MYRIP: variants seen among roughly 807,000 people sequenced by gnomAD.
The protein encoded by MYRIP is myosin VIIA and Rab interacting protein.
Under a neutral mutation model 98.0 loss-of-function variants are expected in MYRIP, and 49 were observed. The ratio of observed to expected loss-of-function variants is 0.50; its 90% confidence interval spans 0.40 to 0.63. The LOEUF (loss-of-function observed/expected upper bound fraction) is 0.63, where lower values mean the gene tolerates loss of function less well. Among genes scored for constraint, MYRIP ranks in the 30% least tolerant of loss-of-function variants. MYRIP has a pLI of 0.00. For synonymous variants in MYRIP, 404 were observed against 409.5 expected (o/e 0.99, Z 0.16); for missense variants, 1,004 against 1,058.2 (o/e 0.95, Z 0.71).
rs572541148 is a variant in MYRIP, at chr3:40,030,929, C to T, written c.111-13121C>T. ...ACAACTTTTTGAATATACTAAAAACCGCTGAATTGTATATACTTAAGAGGA... is the reference window on the plus strand; with the variant it reads ...ACAACTTTTTGAATATACTAAAAACTGCTGAATTGTATATACTTAAGAGGA... On this transcript the variant is annotated intron_variant, in intron 2 of 16. Coordinates refer to ENST00000302541, the MANE Select transcript of MYRIP (RefSeq NM_015460.4). Among the ~76,000 whole-genome samples, 17 of 151,996 alleles carry T rather than the reference C, an allele frequency of 1.1e-4. No individual in the cohort carries two copies. The South Asian group carries it at 1.7e-3, about 15-fold the overall frequency.
chr3:40,145,703 A>G (rs1949994168), intron 3 of MYRIP, among the ~76,000 whole-genome samples: 1 of 152,244 alleles, frequency 6.6e-6, no homozygotes, highest in South Asian at 2.1e-4. Flanking sequence ...AACTGTGGAT[A>G]TGTGAAATTG....
At chr3:39,982,763 C>T (rs1651597148) in intron 2 of MYRIP, among the ~76,000 whole-genome samples, 1 of 152,126 alleles carries the variant, frequency 6.6e-6, no homozygotes, top group African/African-American at 2.4e-5. Flanking sequence ...ATCCTAATTA[C>T]CATGCCTCAT....
rs570543111 is a variant in MYRIP, at chr3:40,226,629, G to A, written c.1906-7230G>A. ...CCAGGCAGACCCTAATACAAATCCCGGCTTCTTCAAGGAAAACCTTGTCAC... is the reference window on the plus strand; with the variant it reads ...CCAGGCAGACCCTAATACAAATCCCAGCTTCTTCAAGGAAAACCTTGTCAC... On this transcript the variant is annotated intron_variant, in intron 11 of 16. Coordinates refer to ENST00000302541, the MANE Select transcript of MYRIP (RefSeq NM_015460.4). 7.9e-5 allele frequency among the ~76,000 whole-genome samples: 12 copies of A among 152,212 alleles called. No homozygotes were observed. In the South Asian group the frequency reaches 1.2e-3, roughly 16 times the overall value.
At chr3:39,917,311 T>A (rs2125686592) in intron 2 of MYRIP, among the ~76,000 whole-genome samples, 1 of 151,462 alleles carries the variant, frequency 6.6e-6, no homozygotes, top group Middle Eastern at 3.4e-3. Context: ...ATCAACTTTA[T>A]AACTTATCCA....
intron 1 of MYRIP, among the ~76,000 whole-genome samples, chr3:39,844,270 C>T (rs1244192636): frequency 1.3e-5 from 2 of 152,204 alleles, no homozygotes; most frequent in Non-Finnish European, 2.9e-5. Context: ...GGAAAGTCAA[C>T]ATACTGCTGG....
intron 1 of MYRIP, among the ~76,000 whole-genome samples, chr3:39,892,308 G>A (rs1341356632): frequency 6.6e-6 from 1 of 152,062 alleles, no homozygotes; most frequent in South Asian, 2.1e-4. Flanking sequence ...AACAATAGAG[G>A]TGGAATTTAA....
At chr3:40,138,319 A>C (rs1172743070) in intron 3 of MYRIP, among the ~76,000 whole-genome samples, 1 of 152,092 alleles carries the variant, frequency 6.6e-6, no homozygotes. Flanking sequence ...CTCTCGGTTG[A>C]GCTGTCTAAT....
chr3:40,145,822 A>G (rs571383284), intron 3 of MYRIP, among the ~76,000 whole-genome samples: 2 of 152,332 alleles, frequency 1.3e-5, no homozygotes, highest in East Asian at 3.9e-4. Flanking sequence ...CTGTGTCCAT[A>G]CTATGGAGAA....
chr3:40,218,609 ATTTT>A (rs1559460321), intron 11 of MYRIP, among the ~76,000 whole-genome samples: 8 of 127,412 alleles, frequency 6.3e-5, no homozygotes, highest in African/African-American at 2.5e-4. Context: ...ATATATATAT[ATTTT>A]ATATATATAT....
At chr3:40,087,016 GC>G (rs1559395202) in intron 3 of MYRIP, among the ~76,000 whole-genome samples, 1 of 152,060 alleles carries the variant, frequency 6.6e-6, no homozygotes, top group East Asian at 1.9e-4. Flanking sequence ...ATGCCAGAAG[GC>G]ATTATCAGTT....
Position 40,189,979 on chromosome 3 carries a change from G to C in MYRIP, c.1181G>C (p.Gly394Ala). ...GTGGCATCTGCCTACGATGAGATGG[G>C]CTCCGATAGCGAGGAAGACTTTGAC... ...SSVASAYDEM[G>A]SDSEEDFDWS... The change falls in exon 10 of 17, where the codon GGC (glycine) becomes GCC (alanine). Residue 394 changes from glycine to alanine, a missense_variant. Gly to Ala is a moderately conservative substitution (Grantham distance 60). This residue lies in a region of MYRIP where 880 missense variants were observed against 907.7 expected (regional missense o/e 0.97). Transcript: ENST00000302541. 2 of 1,614,136 alleles carry C rather than the reference G, an allele frequency of 1.2e-6. No homozygotes were observed. Among genetic ancestry groups the C allele is most frequent in the Non-Finnish European group, 1.7e-6 (2 of 1,180,022 alleles).
At chr3:40,137,370 G>C (rs565490903) in intron 3 of MYRIP, among the ~76,000 whole-genome samples, 1 of 152,104 alleles carries the variant, frequency 6.6e-6, no homozygotes, top group Admixed American at 6.5e-5. Context: ...AATAACAGGA[G>C]CTGAAATTGT....
At chr3:40,109,321 G>T (rs999058561) in intron 3 of MYRIP, among the ~76,000 whole-genome samples, 1 of 152,186 alleles carries the variant, frequency 6.6e-6, no homozygotes, top group Non-Finnish European at 1.5e-5. Flanking sequence ...GAGGATTGAG[G>T]CTTTAGTATG....
chr3:40,171,984 A>G (rs1950628396), intron 8 of MYRIP, among the ~76,000 whole-genome samples: 1 of 151,684 alleles, frequency 6.6e-6, no homozygotes, highest in Non-Finnish European at 1.5e-5. Flanking sequence ...GTGCAGGGGA[A>G]CTCCCCCTTA....
chr3:40,150,926 G>T, intron 3 of MYRIP, 122 bp from the exon 4 acceptor site: 1 of 984,690 alleles, frequency 1.0e-6, no homozygotes. Flanking sequence ...CACAAGGCCC[G>T]CCCAGATTCA....
At chr3:40,234,194 A>G in intron 12 of MYRIP, 141 bp downstream of exon 12, 1 of 899,462 alleles carries the variant, frequency 1.1e-6, no homozygotes, top group South Asian at 2.3e-5. Flanking sequence ...CATTCTCAGG[A>G]AGGACCTTAG....
At chr3:39,965,284 C>T (rs1232148575) in intron 2 of MYRIP, among the ~76,000 whole-genome samples, 1 of 151,948 alleles carries the variant, frequency 6.6e-6, no homozygotes, top group Non-Finnish European at 1.5e-5. Context: ...TCCTTAAGAC[C>T]ATTTTCTGGT....
chr3:40,241,499 C>T (rs949475284), intron 12 of MYRIP, among the ~76,000 whole-genome samples: 1 of 151,874 alleles, frequency 6.6e-6, no homozygotes, highest in Non-Finnish European at 1.5e-5. Flanking sequence ...CAACAAGATG[C>T]TCTAAGGTCA....
chr3:40,220,564 T>C (rs67270838), intron 11 of MYRIP, among the ~76,000 whole-genome samples: 13,185 of 152,218 alleles, frequency 0.087, 886 homozygotes, highest in African/African-American at 0.2. Flanking sequence ...TAAGAAGACA[T>C]AGTGCTTAAA....
Sources: gnomAD v4.1 joint callset for allele counts (sites outside exome capture counted in the v4.1 genomes callset) on GRCh38, gnomAD v4.1.1 for gene constraint, gnomAD v4.1.1 regional missense constraint, MANE v1.5 for transcripts, NCBI Gene and HGNC (gene_info 2026-07-23, HGNC 2026-07-21) for gene names.